ERC2: variants seen among roughly 807,000 people sequenced by gnomAD.
The protein encoded by ERC2 is ELKS/RAB6-interacting/CAST family member 2.
In ERC2, 42 loss-of-function variants were observed where a neutral mutation model predicts 114.8. The ratio of observed to expected loss-of-function variants is 0.37; its 90% CI spans 0.29 to 0.47. The LOEUF (loss-of-function observed/expected upper bound fraction) is 0.47. ERC2 is among the 20% of genes least tolerant of loss of function. ERC2 has a pLI of 0.99. For missense variants in ERC2, 939 were observed against 1,150.7 expected (o/e 0.82, Z 2.66); for synonymous variants, 454 against 425.5 (o/e 1.07, Z -0.82).
At chr3:56,250,524 G>A (rs535431213) in intron 3 of ERC2, among the ~76,000 whole-genome samples, 13 of 152,182 alleles carry the variant, frequency 8.5e-5, no homozygotes, top group Non-Finnish European at 8.8e-5. Flanking sequence ...TGACACGCTC[G>A]CTTCAGCAGT....
chr3:56,419,866 G>T, intron 2 of ERC2, among the ~76,000 whole-genome samples: 2 of 152,276 alleles, frequency 1.3e-5, no homozygotes, highest in South Asian at 4.1e-4. Context: ...AGTGTACATG[G>T]CTTCCCAAAG....
At chr3:56,395,872 T>C (rs2060287929) in intron 2 of ERC2, among the ~76,000 whole-genome samples, 1 of 152,214 alleles carries the variant, frequency 6.6e-6, no homozygotes, top group African/African-American at 2.4e-5. Flanking sequence ...ATACCTTGAA[T>C]GAGATGTCCA....
At chr3:56,360,781 G>A (rs1315272690) in intron 2 of ERC2, among the ~76,000 whole-genome samples, 2 of 152,096 alleles carry the variant, frequency 1.3e-5, no homozygotes, top group Admixed American at 1.3e-4. Flanking sequence ...GGTGGCATAG[G>A]CATGTAATCC....
At chr3:55,770,476 C>T (rs1182572246) in intron 14 of ERC2, among the ~76,000 whole-genome samples, 1 of 152,154 alleles carries the variant, frequency 6.6e-6, no homozygotes, top group East Asian at 1.9e-4. Flanking sequence ...CAGAAATCAA[C>T]TGGAACAGAG....
chr3:56,277,856 T>C (rs1358225584), intron 3 of ERC2, among the ~76,000 whole-genome samples: 2 of 152,004 alleles, frequency 1.3e-5, no homozygotes, highest in African/African-American at 2.4e-5. Context: ...TGGGAAGCCC[T>C]TGTTACTCAG....
intron 7 of ERC2, among the ~76,000 whole-genome samples, chr3:56,066,651 C>T (rs79356336): frequency 0.13 from 20,475 of 152,012 alleles, 1,477 homozygotes; most frequent in East Asian, 0.16. Context: ...TGAATGGTAC[C>T]GCCTAGATTT....
At chr3:56,011,606 AACACACAC>A (rs3076645) in intron 8 of ERC2, among the ~76,000 whole-genome samples, 4 of 148,598 alleles carry the variant, frequency 2.7e-5, no homozygotes, top group Admixed American at 6.7e-5. Flanking sequence ...AAGAAACTTA[AACACACAC>A]ACACACACAC....
At chr3:55,927,492 T>G (rs895906043) in intron 13 of ERC2, among the ~76,000 whole-genome samples, 4 of 152,218 alleles carry the variant, frequency 2.6e-5, no homozygotes, top group African/African-American at 9.6e-5. Flanking sequence ...TATATATTTA[T>G]GGGGTATATG....
At chr3:55,965,698 T>G (rs908953444) in intron 12 of ERC2, among the ~76,000 whole-genome samples, 1 of 152,212 alleles carries the variant, frequency 6.6e-6, no homozygotes, top group Non-Finnish European at 1.5e-5. Flanking sequence ...AATGGGGGGT[T>G]ACGGTAATTT....
At position 56,080,022 on chromosome 3, in the gene ERC2, C is replaced by T. The variant is rs117553716; in HGVS notation, c.1641+795G>A. Reference sequence around the variant, plus strand: ...GCTCCTGCGGCCCACCATTGATTTCCACCTAATTTCCTCTCTGGCCCCCTG... The same window carrying T: ...GCTCCTGCGGCCCACCATTGATTTCTACCTAATTTCCTCTCTGGCCCCCTG... On this transcript the variant is annotated intron_variant, in intron 7 of 17. Coordinates refer to ENST00000288221, the MANE Select transcript of ERC2 (RefSeq NM_015576.3). Among the ~76,000 whole-genome samples the T allele has an allele frequency of 5.5e-3, 841 of 152,190 alleles. 5 individuals are homozygous for T. The highest frequency in any genetic ancestry group is 0.02 in the Middle Eastern group (6 of 294).
At chr3:55,807,000 G>T (rs1196072398) in intron 14 of ERC2, among the ~76,000 whole-genome samples, 1 of 152,188 alleles carries the variant, frequency 6.6e-6, no homozygotes, top group African/African-American at 2.4e-5. Flanking sequence ...TAAAGAGGTA[G>T]AGGTGCTACT....
intron 14 of ERC2, among the ~76,000 whole-genome samples, chr3:55,867,649 C>A (rs966196331): frequency 6.6e-6 from 1 of 152,102 alleles, no homozygotes; most frequent in Non-Finnish European, 1.5e-5. Context: ...AATGTCAAGT[C>A]TTTTTCTTGA....
chr3:55,956,527 A>AT (rs1195526010), intron 12 of ERC2, among the ~76,000 whole-genome samples: 13 of 151,680 alleles, frequency 8.6e-5, no homozygotes, highest in East Asian at 1.9e-4. Context: ...TATTCTAAGG[A>AT]TTTTTTTTTA....
intron 14 of ERC2, among the ~76,000 whole-genome samples, chr3:55,843,261 C>T (rs1356031324): frequency 6.6e-6 from 1 of 152,094 alleles, no homozygotes; most frequent in Non-Finnish European, 1.5e-5. Context: ...CTGGAAGAGC[C>T]ATTTTGGACC....
chr3:56,197,057 A>G (rs2048151087), intron 3 of ERC2, among the ~76,000 whole-genome samples: 1 of 152,202 alleles, frequency 6.6e-6, no homozygotes, highest in Non-Finnish European at 1.5e-5. Context: ...CAGCCATGTC[A>G]GGTGTGAAAA....
chr3:55,821,802 G>A (rs1559711084), intron 14 of ERC2, among the ~76,000 whole-genome samples: 1 of 152,194 alleles, frequency 6.6e-6, no homozygotes, highest in Admixed American at 6.5e-5. Flanking sequence ...GGCCCTTTAT[G>A]GAGACTATCT....
chr3:56,174,552 C>T (rs1312089613), intron 3 of ERC2, among the ~76,000 whole-genome samples: 1 of 152,136 alleles, frequency 6.6e-6, no homozygotes, highest in Admixed American at 6.5e-5. Context: ...ACCACTGGAT[C>T]ACAAACATTT....
intron 14 of ERC2, among the ~76,000 whole-genome samples, chr3:55,744,869 G>A (rs1020369171): frequency 9.2e-5 from 14 of 152,210 alleles, no homozygotes; most frequent in Non-Finnish European, 1.3e-4. Flanking sequence ...CCGGATCATC[G>A]TGAGAATTAA....
intron 17 of ERC2, among the ~76,000 whole-genome samples, chr3:55,605,690 T>C (rs979788824): frequency 1.3e-5 from 2 of 152,230 alleles, no homozygotes; most frequent in Admixed American, 6.5e-5. Context: ...GTTATTACAA[T>C]ACTGCCTCAA....
Sources: allele counts gnomAD v4.1 joint callset (sites outside exome capture counted in the v4.1 genomes callset), GRCh38; gene constraint gnomAD v4.1.1; transcripts MANE v1.5; gene names NCBI Gene and HGNC (gene_info 2026-07-23, HGNC 2026-07-21).